The following NEDD4L variants were observed in gnomAD, a reference collection of about 807,000 sequenced individuals.
The protein encoded by NEDD4L is NEDD4 like E3 ubiquitin protein ligase.
NEDD4L carries 54 observed loss-of-function variants against 148.9 expected under a neutral mutation model. The observed-to-expected ratio is 0.36, with a 90% CI of 0.29 to 0.45. The LOEUF is 0.45. Among genes scored for constraint, NEDD4L ranks in the 20% least tolerant of loss-of-function variants. NEDD4L has a pLI of 1.00. For missense variants in NEDD4L, 856 were observed against 1,233.8 expected (o/e 0.69, Z 4.59); for synonymous variants, 433 against 440.7 (o/e 0.98, Z 0.22).
chr18:58,306,198 T>C (rs934284892), intron 5 of NEDD4L, among the ~76,000 whole-genome samples: 4 of 151,860 alleles, frequency 2.6e-5, no homozygotes, highest in African/African-American at 7.3e-5. Context: ...GAATTGTCCA[T>C]GTCCAAGTCC....
chr18:58,262,493 G>A (rs1433914987), intron 5 of NEDD4L, among the ~76,000 whole-genome samples: 6 of 152,158 alleles, frequency 3.9e-5, no homozygotes. Context: ...GCCAGGCGTG[G>A]TGGCCTCTGT....
intron 1 of NEDD4L, among the ~76,000 whole-genome samples, chr18:58,058,766 A>G (rs1283534671): frequency 2.0e-5 from 3 of 152,204 alleles, no homozygotes; most frequent in Non-Finnish European, 2.9e-5. Context: ...TCTGTCTCCA[A>G]CTATCCCTCT....
intron 18 of NEDD4L, among the ~76,000 whole-genome samples, chr18:58,353,569 G>A (rs2044198368): frequency 6.6e-6 from 1 of 152,236 alleles, no homozygotes; most frequent in South Asian, 2.1e-4. Flanking sequence ...CTGTAGAGCA[G>A]TACACGTCAG....
intron 5 of NEDD4L, among the ~76,000 whole-genome samples, chr18:58,297,117 G>A (rs1173422268): frequency 6.6e-6 from 1 of 152,130 alleles, no homozygotes; most frequent in Admixed American, 6.5e-5. Flanking sequence ...AATAAACAAG[G>A]ACACTTGTGA....
chr18:58,110,616 A>C (rs1438404211), intron 1 of NEDD4L, among the ~76,000 whole-genome samples: 1 of 152,040 alleles, frequency 6.6e-6, no homozygotes, highest in Non-Finnish European at 1.5e-5. Flanking sequence ...GCGCTGTGCC[A>C]CCGCCACCCA....
intron 1 of NEDD4L, among the ~76,000 whole-genome samples, chr18:58,078,202 A>G (rs1257433873): frequency 2.0e-5 from 3 of 152,262 alleles, no homozygotes; most frequent in East Asian, 1.9e-4. Flanking sequence ...TTTATGCTCC[A>G]GAAAGTACCT....
intron 2 of NEDD4L, among the ~76,000 whole-genome samples, chr18:58,189,053 A>G (rs905256949): frequency 1.3e-5 from 2 of 152,072 alleles, no homozygotes; most frequent in East Asian, 1.9e-4. Context: ...GACAGCTCCA[A>G]AAGCCTTTAT....
intron 1 of NEDD4L, among the ~76,000 whole-genome samples, chr18:58,074,557 G>A (rs2083066852): frequency 6.6e-6 from 1 of 151,372 alleles, no homozygotes; most frequent in Non-Finnish European, 1.5e-5. Context: ...ACAGGCGTGA[G>A]GCAGTGTGTC....
intron 2 of NEDD4L, among the ~76,000 whole-genome samples, chr18:58,233,217 C>A (rs1467969915): frequency 6.6e-6 from 1 of 151,984 alleles, no homozygotes; most frequent in Non-Finnish European, 1.5e-5. Flanking sequence ...AATAATCAAA[C>A]TAATAATAAT....
intron 2 of NEDD4L, among the ~76,000 whole-genome samples, chr18:58,237,358 A>C (rs1182141511): frequency 6.6e-6 from 1 of 152,212 alleles, no homozygotes; most frequent in Non-Finnish European, 1.5e-5. Context: ...TAGCCTTGTG[A>C]GTTGCTATCT....
At chr18:58,145,165 C>T (rs1438655725) in intron 1 of NEDD4L, among the ~76,000 whole-genome samples, 1 of 152,182 alleles carries the variant, frequency 6.6e-6, no homozygotes, top group Non-Finnish European at 1.5e-5. Context: ...GCTCTCCTAC[C>T]AGGGCCCCCT....
intron 19 of NEDD4L, among the ~76,000 whole-genome samples, chr18:58,361,525 T>C (rs1223065103): frequency 6.6e-6 from 1 of 152,194 alleles, no homozygotes; most frequent in Non-Finnish European, 1.5e-5. Context: ...ATTTCCAATT[T>C]GTCAGAAGCT....
chr18:58,355,379 T>G (rs1420271665), intron 18 of NEDD4L, among the ~76,000 whole-genome samples: 1 of 152,098 alleles, frequency 6.6e-6, no homozygotes, highest in Non-Finnish European at 1.5e-5. Context: ...TGGTGTTGGG[T>G]GATCAGAGGT....
At position 58,057,921 on chromosome 18, in the gene NEDD4L, A is replaced by G. The variant is rs189501452; in HGVS notation, c.48+13213A>G. ...TCTGCTTTTGCTCTCTGGTGTATCA[A>G]GAATGAGCAACTTCCCCACACTGGG... is the stretch of plus-strand genomic sequence containing the variant. On this transcript the variant is annotated intron_variant, in intron 1 of 30. Coordinates refer to ENST00000400345, the MANE Select transcript of NEDD4L (RefSeq NM_001144967.3). Among the ~76,000 whole-genome samples the G allele has an allele frequency of 3.6e-3, 545 of 152,382 alleles. 1 individual carries two copies. The highest frequency in any genetic ancestry group is 6.1e-3 in the Non-Finnish European group (417 of 68,038).
chr18:58,367,850 A>T lies in NEDD4L; in HGVS notation c.2168A>T (p.His723Leu). ...IGRVAGLAVF[H>L]GKLLDGFFIR... is the part of the protein sequence containing the mutation. ...AGAGTTGCTGGTCTGGCCGTATTTCATGGGAAGCTCTTAGATGGTAAGTCT... is the reference window on the plus strand; with the variant it reads ...AGAGTTGCTGGTCTGGCCGTATTTCTTGGGAAGCTCTTAGATGGTAAGTCT... The change falls in exon 22 of 31, where the codon CAT becomes CTT. Residue 723 changes from histidine to leucine, a missense_variant. This residue lies in a region of NEDD4L where 286 missense variants were observed against 531.8 expected (regional missense o/e 0.54). Coordinates refer to ENST00000400345, the MANE Select transcript of NEDD4L (RefSeq NM_001144967.3). 6.2e-7 allele frequency: 1 copy of T among 1,614,006 alleles called. No homozygotes were observed. The highest frequency in any genetic ancestry group is 8.5e-7 in the Non-Finnish European group (1 of 1,179,884).
chr18:58,123,128 T>C (rs1347733976), intron 1 of NEDD4L, among the ~76,000 whole-genome samples: 1 of 152,230 alleles, frequency 6.6e-6, no homozygotes, highest in Non-Finnish European at 1.5e-5. Context: ...CACCTCTGAA[T>C]GTTCCCGCAC....
chr18:58,350,313 C>T (rs1450587755), intron 17 of NEDD4L, among the ~76,000 whole-genome samples: 2 of 152,182 alleles, frequency 1.3e-5, no homozygotes, highest in African/African-American at 4.8e-5. Context: ...GGTTAAGGTT[C>T]AATCATTATT....
chr18:58,346,095 G>A (rs987082743), intron 16 of NEDD4L, among the ~76,000 whole-genome samples: 1 of 152,112 alleles, frequency 6.6e-6, no homozygotes, highest in African/African-American at 2.4e-5. Flanking sequence ...AGAAAGATTG[G>A]CTTTGTTCCC....
At chr18:58,204,862 C>G (rs867182722) in intron 2 of NEDD4L, among the ~76,000 whole-genome samples, 1 of 151,978 alleles carries the variant, frequency 6.6e-6, no homozygotes, top group Non-Finnish European at 1.5e-5. Context: ...AAATGGTTTG[C>G]GAGACAAAAT....
Sources: allele counts gnomAD v4.1 joint callset (sites outside exome capture counted in the v4.1 genomes callset), GRCh38; gene constraint gnomAD v4.1.1; regional missense constraint gnomAD v4.1.1; transcripts MANE v1.5; gene names NCBI Gene and HGNC (gene_info 2026-07-23, HGNC 2026-07-21).